The following SHROOM3 variants were observed in gnomAD, a reference collection of about 807,000 sequenced individuals.
SHROOM3 encodes the protein protein Shroom3.
A neutral mutation model predicts 138.6 loss-of-function variants in SHROOM3; 47 were observed. The ratio of observed to expected loss-of-function variants is 0.34; its 90% confidence interval spans 0.27 to 0.43. The LOEUF (loss-of-function observed/expected upper bound fraction) is 0.43. SHROOM3 is among the 20% of genes least tolerant of loss of function. The pLI is 1.00. For missense variants in SHROOM3, 2,491 were observed against 2,596.5 expected, an observed-to-expected ratio of 0.96 and a Z score of 0.88; for synonymous variants, 1,062 against 1,063.3, an observed-to-expected ratio of 1.00 and a Z score of 0.02.
At chr4:76,583,564 G>T (rs1734091448) in intron 2 of SHROOM3, among the ~76,000 whole-genome samples, 2 of 152,302 alleles carry the variant, frequency 1.3e-5, no homozygotes, top group East Asian at 1.9e-4. Context: ...TCACAAAGCT[G>T]GTGAATGCAA....
At chr4:76,511,000 G>C (rs1329531007) in intron 1 of SHROOM3, among the ~76,000 whole-genome samples, 1 of 152,008 alleles carries the variant, frequency 6.6e-6, no homozygotes, top group Non-Finnish European at 1.5e-5. Flanking sequence ...GGCCAACATG[G>C]TGAAACCCCG....
chr4:76,498,289 G>A (rs924790210), intron 1 of SHROOM3, among the ~76,000 whole-genome samples: 3 of 152,144 alleles, frequency 2.0e-5, no homozygotes, highest in Non-Finnish European at 2.9e-5. Flanking sequence ...TGATGTATGC[G>A]TACTTTCCTA....
intron 1 of SHROOM3, among the ~76,000 whole-genome samples, chr4:76,545,733 G>A (rs887729898): frequency 7.9e-5 from 12 of 152,260 alleles, no homozygotes; most frequent in African/African-American, 2.9e-4. Flanking sequence ...GGGACTTTCC[G>A]TGTGTTTGTT....
At chr4:76,759,785 G>C in intron 9 of SHROOM3, 90 bp downstream of exon 9, 1 of 1,486,880 alleles carries the variant, frequency 6.7e-7, no homozygotes, top group South Asian at 1.2e-5. Context: ...GCCTCTTGAG[G>C]CAGGTGGGGA....
chr4:76,701,788 G>A (rs556771088), intron 2 of SHROOM3, among the ~76,000 whole-genome samples: 1 of 152,260 alleles, frequency 6.6e-6, no homozygotes, highest in African/African-American at 2.4e-5. Flanking sequence ...AGCTCTCAAA[G>A]TAATCCCCTT....
chr4:76,727,155 A>C (rs959586925), intron 3 of SHROOM3, among the ~76,000 whole-genome samples: 4 of 152,194 alleles, frequency 2.6e-5, no homozygotes, highest in Admixed American at 2.6e-4. Flanking sequence ...TCTTTCTCCT[A>C]ATGTATTTTG....
At chr4:76,462,286 C>A (rs567588390) in intron 1 of SHROOM3, among the ~76,000 whole-genome samples, 36 of 152,080 alleles carry the variant, frequency 2.4e-4, no homozygotes, top group African/African-American at 8.2e-4. Context: ...GTAGGAGAAT[C>A]GCTTGAACCC....
At chr4:76,539,377 CCAGA>C (rs1733050542) in intron 1 of SHROOM3, among the ~76,000 whole-genome samples, 1 of 152,146 alleles carries the variant, frequency 6.6e-6, no homozygotes, top group Non-Finnish European at 1.5e-5. Context: ...AAGCCAACTT[CCAGA>C]TTGGCATAGA....
rs1553927890 is a variant in SHROOM3 at position 76,606,711 on chromosome 4, A to ATAC, written c.323+50948_323+50949insTAC. On this transcript the variant is annotated intron_variant, in intron 2 of 10. Transcript: ENST00000296043. ...GAGCAGGACTCCCTCTCAAAAAATA[A>ATAC]ATACATACATACATACATACGTACA... 2.1e-3 allele frequency among the ~76,000 whole-genome samples: 323 copies of ATAC among 152,060 alleles called. 2 individuals carry two copies. The highest frequency in any genetic ancestry group is 1.2e-3 in the African/African-American group (50 of 41,452).
At chr4:76,500,931 A>G (rs1030158250) in intron 1 of SHROOM3, among the ~76,000 whole-genome samples, 1 of 152,016 alleles carries the variant, frequency 6.6e-6, no homozygotes, top group Non-Finnish European at 1.5e-5. Context: ...CTCAGCCTCC[A>G]TAGTAGTTGG....
chr4:76,459,006 A>AG (rs1731087662), intron 1 of SHROOM3, among the ~76,000 whole-genome samples: 1 of 152,188 alleles, frequency 6.6e-6, no homozygotes, highest in South Asian at 2.1e-4. Flanking sequence ...CAACAGCAGC[A>AG]GGGGGGCGGG....
In SHROOM3 at chr4:76,741,597, C is replaced by T. The variant is rs61741098; in HGVS notation, c.3424C>T (p.Leu1142=). 2 of 1,539,756 alleles carry T rather than the reference C, an allele frequency of 1.3e-6. No homozygotes were observed. The highest frequency in any genetic ancestry group is 1.4e-5 in the African/African-American group (1 of 73,328). ...CGCCTCGGCCTCCAGCTTGAGCTCA[C>T]TGCGGGAGCCCAGCCTGCAGCCCCG... The part of the protein sequence containing the change: ...GLASASSLSS[L]REPSLQPRRE... Residue 1142 remains leucine, a synonymous_variant, in exon 5 of 11, where the codon CTG becomes TTG. Transcript: ENST00000296043. The surrounding 1 kb of genome is among the most constrained non-coding windows in gnomAD (Gnocchi z 6.2).
chr4:76,511,015 T>A (rs1732323508), intron 1 of SHROOM3, among the ~76,000 whole-genome samples: 1 of 151,954 alleles, frequency 6.6e-6, no homozygotes, highest in East Asian at 1.9e-4. Context: ...ACCCCGCCTG[T>A]ACTAAAAATA....
chr4:76,460,480 A>T (rs1246203840), intron 1 of SHROOM3, among the ~76,000 whole-genome samples: 2 of 152,158 alleles, frequency 1.3e-5, no homozygotes, highest in African/African-American at 4.8e-5. Flanking sequence ...AGTTTATTAG[A>T]GCTGGCAAAA....
intron 2 of SHROOM3, among the ~76,000 whole-genome samples, chr4:76,620,473 T>G (rs1183081734): frequency 1.3e-5 from 2 of 152,126 alleles, no homozygotes; most frequent in Non-Finnish European, 2.9e-5. Context: ...CAGGAAGAAG[T>G]AAACCTAGCA....
intron 1 of SHROOM3, among the ~76,000 whole-genome samples, chr4:76,448,415 C>G (rs966869074): frequency 2.6e-5 from 4 of 152,186 alleles, no homozygotes; most frequent in African/African-American, 4.8e-5. Context: ...ATTGGCTGGA[C>G]TTCCAGCTGT....
intron 1 of SHROOM3, among the ~76,000 whole-genome samples, chr4:76,540,695 T>C (rs1249476717): frequency 6.6e-6 from 1 of 152,178 alleles, no homozygotes; most frequent in African/African-American, 2.4e-5. Flanking sequence ...GAGTAGATGA[T>C]CAAATATTTA....
At chr4:76,758,539 T>C (rs1721893780) in intron 8 of SHROOM3, 1 of 151,308 alleles carries the variant, frequency 6.6e-6, no homozygotes, top group African/African-American at 2.4e-5. Flanking sequence ...CCAGTAGCCA[T>C]TGTGAGGGTT....
chr4:76,528,205 A>C (rs4859448), intron 1 of SHROOM3, among the ~76,000 whole-genome samples: 75,890 of 152,030 alleles, frequency 0.5, 19,295 homozygotes, highest in African/African-American at 0.58. Context: ...CTATAATTGA[A>C]TTAGATTAAC....
Sources: gnomAD v4.1 joint callset for allele counts (sites outside exome capture counted in the v4.1 genomes callset) on GRCh38, gnomAD v4.1.1 for gene constraint, Gnocchi (gnomAD v3.1) non-coding constraint, MANE v1.5 for transcripts, NCBI Gene and HGNC (gene_info 2026-07-23, HGNC 2026-07-21) for gene names.